The following BACE2 variants were observed in gnomAD, a reference collection of about 807,000 sequenced individuals.
The protein encoded by BACE2 is 56 kDa aspartic-like protease.
BACE2 carries 17 observed loss-of-function variants against 46.2 expected under a neutral mutation model. The ratio of observed to expected loss-of-function variants is 0.37; its 90% confidence interval spans 0.25 to 0.55. BACE2 has a LOEUF of 0.55. BACE2 is among the 20% of genes least tolerant of loss of function. The pLI, the probability that BACE2 is intolerant of heterozygous loss-of-function variation, is 0.82. For missense variants in BACE2, 595 were observed against 698.1 expected (o/e 0.85, Z 1.66); for synonymous variants, 277 against 295.9 (o/e 0.94, Z 0.66).
rs770628284 is a variant in BACE2, at chr21:41,216,768, G to A, written c.313-9498G>A. Among the ~76,000 whole-genome samples the A allele has an allele frequency of 6.6e-5, 10 of 152,330 alleles. No individual in the cohort carries two copies. The South Asian group carries it at 1.5e-3, about 22-fold the overall frequency. On this transcript the variant is annotated intron_variant, in intron 1 of 8. Coordinates refer to ENST00000330333, the MANE Select transcript of BACE2 (RefSeq NM_012105.5). ...GTCTAGTTACGCAGTCGCAGTCAGC[G>A]CGGACGTGCGTTGCCAGCCTGACCG...
At chr21:41,224,770 C>T (rs1298344385) in intron 1 of BACE2, among the ~76,000 whole-genome samples, 1 of 152,192 alleles carries the variant, frequency 6.6e-6, no homozygotes, top group Non-Finnish European at 1.5e-5. Context: ...CAGTGAAATA[C>T]CGTTCCACAC....
At chr21:41,196,317 A>G (rs560317302) in intron 1 of BACE2, among the ~76,000 whole-genome samples, 59 of 74,900 alleles carry the variant, frequency 7.9e-4, no homozygotes, top group African/African-American at 3.5e-3. Context: ...AACAAAACCA[A>G]AAAAAAAAAA....
At chr21:41,174,626 T>G (rs941537342) in intron 1 of BACE2, among the ~76,000 whole-genome samples, 3 of 152,146 alleles carry the variant, frequency 2.0e-5, no homozygotes, top group Non-Finnish European at 2.9e-5. Flanking sequence ...GGTCTACCTG[T>G]GCTGGAGAAG....
chr21:41,209,203 C>G (rs1332585450), intron 1 of BACE2, among the ~76,000 whole-genome samples: 6 of 152,228 alleles, frequency 3.9e-5, no homozygotes, highest in Non-Finnish European at 7.3e-5. Flanking sequence ...ATTAAAGCCC[C>G]TGTGACTGCA....
chr21:41,233,426 A>G (rs979543158), intron 2 of BACE2, among the ~76,000 whole-genome samples: 2 of 152,238 alleles, frequency 1.3e-5, no homozygotes, highest in African/African-American at 4.8e-5. Context: ...CCCAGGCAGT[A>G]TAACTCCAGC....
chr21:41,234,171 G>A (rs1251298846), intron 2 of BACE2, among the ~76,000 whole-genome samples: 1 of 152,148 alleles, frequency 6.6e-6, no homozygotes, highest in East Asian at 1.9e-4. Flanking sequence ...TTTATAAGGG[G>A]AAATCCCTTT....
At chr21:41,234,346 A>G (rs565234917) in intron 2 of BACE2, among the ~76,000 whole-genome samples, 1 of 152,342 alleles carries the variant, frequency 6.6e-6, no homozygotes, top group East Asian at 1.9e-4. Context: ...GTGTAAAAAC[A>G]GACTAATACA....
chr21:41,275,528 C>G lies in BACE2; in HGVS notation c.1461C>G (p.Ile487Met). 2 of 1,614,130 alleles carry G rather than the reference C, an allele frequency of 1.2e-6. No homozygotes were observed. The highest frequency in any genetic ancestry group is 1.7e-6 in the Non-Finnish European group (2 of 1,180,024). The change falls in exon 9 of 9, where the codon ATC becomes ATG. Residue 487 changes from isoleucine (I) to methionine (M), a missense_variant. Transcript: ENST00000330333. ...SVCGAILLVL[I>M]VLLLLPFRCQ... Reference sequence around the variant, plus strand: ...GTGGAGCCATCCTCCTTGTCTTAATCGTCCTGCTGCTGCTGCCGTTCCGGT... The same window carrying G: ...GTGGAGCCATCCTCCTTGTCTTAATGGTCCTGCTGCTGCTGCCGTTCCGGT...
Position 41,212,215 on chromosome 21 carries a change from G to A in BACE2, c.313-14051G>A, listed in dbSNP as rs147921425. 2.5e-3 allele frequency among the ~76,000 whole-genome samples: 382 copies of A among 152,290 alleles called. 3 individuals carry two copies. Among genetic ancestry groups the A allele is most frequent in the Admixed American group, 4.0e-3 (61 of 15,292 alleles). ...CAGATTGAGGTCTAGTGAGGGCTTT[G>A]TGCTTCATAGAGTCAGTGCCTTCTC... On this transcript the variant is annotated intron_variant, in intron 1 of 8. Coordinates refer to ENST00000330333, the MANE Select transcript of BACE2 (RefSeq NM_012105.5).
intron 8 of BACE2, among the ~76,000 whole-genome samples, chr21:41,271,293 A>C (rs2088431671): frequency 6.6e-6 from 1 of 151,944 alleles, no homozygotes; most frequent in East Asian, 1.9e-4. Context: ...AGAGATCCAC[A>C]AACAACAGTC....
chr21:41,235,889 C>G lies in BACE2; in HGVS notation c.402-1624C>G, dbSNP rs577057515. The stretch of plus-strand genomic sequence containing the variant: ...ATGAATGAATGAATGAACAAATGAT[C>G]ATGTCATCTCCAAACTTCTTTACTG... On this transcript the variant is annotated intron_variant, in intron 2 of 8. Transcript: ENST00000330333. 6.0e-5 allele frequency among the ~76,000 whole-genome samples: 9 copies of G among 150,084 alleles called. No individual in the cohort carries two copies. The South Asian group carries it at 1.9e-3, about 31-fold the overall frequency.
At chr21:41,204,662 G>C (rs76456942) in intron 1 of BACE2, among the ~76,000 whole-genome samples, 1,995 of 152,282 alleles carry the variant, frequency 0.013, 20 homozygotes, top group East Asian at 0.039. Context: ...CATTTTTCCT[G>C]TCTCTAGAAT....
chr21:41,216,506 T>C (rs1986471708), intron 1 of BACE2, among the ~76,000 whole-genome samples: 1 of 152,226 alleles, frequency 6.6e-6, no homozygotes, highest in Non-Finnish European at 1.5e-5. Flanking sequence ...AAGAATGCAG[T>C]CCACACTTTG....
At chr21:41,255,329 G>A (rs1987752104) in intron 7 of BACE2, among the ~76,000 whole-genome samples, 1 of 152,150 alleles carries the variant, frequency 6.6e-6, no homozygotes, top group Non-Finnish European at 1.5e-5. Flanking sequence ...CATGGGGTGG[G>A]GCCAGATGGG....
At chr21:41,172,257 G>C (rs1984632439) in intron 1 of BACE2, among the ~76,000 whole-genome samples, 1 of 152,234 alleles carries the variant, frequency 6.6e-6, no homozygotes, top group Admixed American at 6.5e-5. Flanking sequence ...TATTACAGAG[G>C]ACTGGGAAAG....
chr21:41,259,469 A>G (rs947088401), intron 8 of BACE2, among the ~76,000 whole-genome samples: 1 of 150,644 alleles, frequency 6.6e-6, no homozygotes, highest in Non-Finnish European at 1.5e-5. Context: ...TTTATTTTTC[A>G]TTATAAAATG....
intron 1 of BACE2, chr21:41,183,494 A>G (rs2123501641): frequency 6.0e-6 from 1 of 166,766 alleles, no homozygotes; most frequent in South Asian, 2.1e-4. Context: ...ACTGGGACCC[A>G]TCTACCTGGC....
chr21:41,264,521 C>T (rs1988020187), intron 8 of BACE2, among the ~76,000 whole-genome samples: 1 of 152,008 alleles, frequency 6.6e-6, no homozygotes, highest in Non-Finnish European at 1.5e-5. Flanking sequence ...CGGGAGGCCT[C>T]AGGAAACTTA....
chr21:41,195,766 T>C (rs1434062712), intron 1 of BACE2, among the ~76,000 whole-genome samples: 2 of 152,194 alleles, frequency 1.3e-5, no homozygotes, highest in African/African-American at 4.8e-5. Flanking sequence ...AGGACTGGAC[T>C]CAAAATGCCT....
Sources: gnomAD v4.1 joint callset for allele counts (sites outside exome capture counted in the v4.1 genomes callset) on GRCh38, gnomAD v4.1.1 for gene constraint, MANE v1.5 for transcripts, NCBI Gene and HGNC (gene_info 2026-07-23, HGNC 2026-07-21) for gene names.